FHL5: variants seen among roughly 807,000 people sequenced by gnomAD.
FHL5 encodes the protein four and a half LIM domains 5.
Under a neutral mutation model 32.0 loss-of-function variants are expected in FHL5, and 33 were observed. That is an observed-to-expected ratio of 1.03 (90% CI 0.78 to 1.38). The LOEUF is 1.38. Ranked by LOEUF, FHL5 falls within the 40% of genes most tolerant of loss-of-function variation. The probability of loss-of-function intolerance (pLI) is 0.00; values close to 1 mark genes in which losing one functional copy is unlikely to be tolerated. For synonymous variants in FHL5, 114 were observed against 113.6 expected, an observed-to-expected ratio of 1.00 and a Z score of -0.02; for missense variants, 336 against 343.9, an observed-to-expected ratio of 0.98 and a Z score of 0.18.
At chr6:96,586,290 T>C (rs183546604) in intron 1 of FHL5, among the ~76,000 whole-genome samples, 130 of 152,356 alleles carry the variant, frequency 8.5e-4, no homozygotes, top group East Asian at 1.5e-3. Flanking sequence ...ACATTGAATC[T>C]GTGAGAGGAC....
rs1562059723 is a variant in FHL5, at chr6:96,594,266, TA to T, written c.-12-9335del. Among the ~76,000 whole-genome samples, 165 of 92,560 alleles carry T rather than the reference TA, an allele frequency of 1.8e-3. 1 individual carries two copies. Among genetic ancestry groups the T allele is most frequent in the African/African-American group, 5.1e-3 (145 of 28,516 alleles). The allele number at this position is 92,560 out of a possible 152,430, so 60.7% of individuals were successfully genotyped here. A position where few individuals can be genotyped will look rare whatever the true frequency, so the allele number is the denominator to read the frequency against. The stretch of plus-strand genomic sequence containing the variant: ...ATATATATATATATATATATATATA[TA>T]TATATATGTATGTATGTATTTACTT... On this transcript the variant is annotated intron_variant, in intron 1 of 5. Transcript: ENST00000450218.
In FHL5 at chr6:96,605,993, G is replaced by T; in HGVS notation, c.426G>T (p.Leu142Phe). 6.2e-7 allele frequency: 1 copy of T among 1,614,092 alleles called. No individual in the cohort carries two copies. Among genetic ancestry groups the T allele is most frequent in the Non-Finnish European group, 8.5e-7 (1 of 1,179,986 alleles). ...NCRQPIGTKP[L>F]ISKESGNYCV... ...GACAACCTATAGGGACAAAGCCTTTGATCTCCAAAGAGAGTGGCAATTATT... is the reference window on the plus strand; with the variant it reads ...GACAACCTATAGGGACAAAGCCTTTTATCTCCAAAGAGAGTGGCAATTATT... Residue 142 changes from leucine to phenylalanine, a missense_variant, in exon 4 of 6, where the codon TTG becomes TTT. Coordinates refer to ENST00000450218, the MANE Select transcript of FHL5 (RefSeq NM_001322466.2).
chr6:96,600,949 C>T (rs1771134171), intron 1 of FHL5, among the ~76,000 whole-genome samples: 1 of 152,174 alleles, frequency 6.6e-6, no homozygotes, highest in Non-Finnish European at 1.5e-5. Flanking sequence ...TATAAAATCA[C>T]AAGGTTTTGA....
chr6:96,596,258 T>C (rs1356176996), intron 1 of FHL5, among the ~76,000 whole-genome samples: 1 of 152,070 alleles, frequency 6.6e-6, no homozygotes, highest in East Asian at 1.9e-4. Context: ...AGTTTTAGCC[T>C]CTGAGATTTT....
At chr6:96,573,714 G>C (rs534761082) in intron 1 of FHL5, among the ~76,000 whole-genome samples, 5 of 151,114 alleles carry the variant, frequency 3.3e-5, no homozygotes, top group Admixed American at 1.3e-4. Context: ...GTAGAGACGG[G>C]GTTTCACCAT....
At chr6:96,577,551 C>G (rs1416257897) in intron 1 of FHL5, among the ~76,000 whole-genome samples, 1 of 152,168 alleles carries the variant, frequency 6.6e-6, no homozygotes, top group Non-Finnish European at 1.5e-5. Flanking sequence ...TTGGGCTTAT[C>G]TTTCCAACTT....
chr6:96,566,990 G>A (rs1273639066), intron 1 of FHL5, among the ~76,000 whole-genome samples: 1 of 151,680 alleles, frequency 6.6e-6, no homozygotes. Context: ...TTTTTAGTTT[G>A]ACATAATTTC....
Position 96,615,904 on chromosome 6 carries a change from A to T in FHL5, c.*132A>T. The T allele has an allele frequency of 1.5e-6, 1 of 682,378 alleles. No homozygotes were observed. The highest frequency in any genetic ancestry group is 2.3e-6 in the Non-Finnish European group (1 of 431,058). The allele number at this position is 682,378 out of a possible 1,614,324, so 42.3% of individuals were successfully genotyped here. On this transcript the variant is annotated 3_prime_UTR_variant, in exon 6 of 6. Transcript: ENST00000450218. The stretch of plus-strand genomic sequence containing the variant: ...GTTTAGAGTGGAAAAGTTTTTGCAC[A>T]CATTTTGATCGAACTATATTCTAAG...
intron 1 of FHL5, among the ~76,000 whole-genome samples, chr6:96,573,454 C>T (rs1255562625): frequency 6.7e-6 from 1 of 149,652 alleles, no homozygotes; most frequent in Non-Finnish European, 1.5e-5. Flanking sequence ...GATTTCTAGT[C>T]TTGTAATTAC....
intron 1 of FHL5, among the ~76,000 whole-genome samples, chr6:96,575,845 C>T (rs768916829): frequency 7.5e-4 from 114 of 152,264 alleles, no homozygotes; most frequent in Non-Finnish European, 1.2e-3. Context: ...CATAGATCTA[C>T]CTTTTCAGTA....
intron 1 of FHL5, among the ~76,000 whole-genome samples, chr6:96,565,507 T>C (rs144595596): frequency 6.6e-6 from 1 of 152,200 alleles, no homozygotes; most frequent in Admixed American, 6.5e-5. Context: ...CCAGCACCAA[T>C]GGACCTTAAA....
At chr6:96,609,630 T>C (rs1771355062) in intron 4 of FHL5, among the ~76,000 whole-genome samples, 1 of 152,218 alleles carries the variant, frequency 6.6e-6, no homozygotes, top group Non-Finnish European at 1.5e-5. Flanking sequence ...TGAGTTCTAA[T>C]TCCCACAGCA....
intron 1 of FHL5, among the ~76,000 whole-genome samples, chr6:96,583,070 C>T (rs982262801): frequency 1.3e-5 from 2 of 152,082 alleles, no homozygotes; most frequent in African/African-American, 2.4e-5. Flanking sequence ...ACAAACTATA[C>T]GCTAGGGCTA....
chr6:96,605,757 G>T, intron 3 of FHL5, 145 bp from the exon 4 acceptor site: 3 of 686,500 alleles, frequency 4.4e-6, no homozygotes, highest in South Asian at 2.6e-5. Context: ...GGGTTTTTTT[G>T]AACCTGAAAA....
At chr6:96,594,472 A>G (rs1770994893) in intron 1 of FHL5, among the ~76,000 whole-genome samples, 1 of 151,658 alleles carries the variant, frequency 6.6e-6, no homozygotes, top group Non-Finnish European at 1.5e-5. Context: ...TAACAAAAAT[A>G]TTAAATTAGG....
intron 4 of FHL5, 48 bp downstream of exon 4, chr6:96,606,119 T>G (rs200129007): frequency 2.0e-5 from 29 of 1,478,756 alleles, no homozygotes; most frequent in Non-Finnish European, 2.5e-5. Flanking sequence ...GACTATTTCT[T>G]TTTAGCTGTA....
chr6:96,612,308 A>T (rs1481228902), intron 5 of FHL5, among the ~76,000 whole-genome samples: 1 of 152,216 alleles, frequency 6.6e-6, no homozygotes, highest in Non-Finnish European at 1.5e-5. Context: ...CTCCCAAGTA[A>T]AATCTGCAAT....
chr6:96,569,813 G>A (rs757681107), intron 1 of FHL5, among the ~76,000 whole-genome samples: 3 of 113,738 alleles, frequency 2.6e-5, no homozygotes, highest in Non-Finnish European at 6.3e-5. Flanking sequence ...CTTTTAGGCA[G>A]CATATACTTA....
intron 4 of FHL5, among the ~76,000 whole-genome samples, chr6:96,606,883 T>C (rs1408294477): frequency 6.6e-6 from 1 of 152,074 alleles, no homozygotes; most frequent in Non-Finnish European, 1.5e-5. Context: ...GCTTTTGTAT[T>C]TCCTATGAGT....
Sources: gnomAD v4.1 joint callset for allele counts (sites outside exome capture counted in the v4.1 genomes callset) on GRCh38, gnomAD v4.1.1 for gene constraint, MANE v1.5 for transcripts, NCBI Gene and HGNC (gene_info 2026-07-23, HGNC 2026-07-21) for gene names.